The following RAPGEF4 variants were observed in gnomAD, a reference collection of about 807,000 sequenced individuals.
RAPGEF4 encodes Rap guanine nucleotide exchange factor 4.
Under a neutral mutation model 147.9 loss-of-function variants are expected in RAPGEF4, and 66 were observed. The ratio of observed to expected loss-of-function variants is 0.45; its 90% CI spans 0.37 to 0.55. The LOEUF is 0.55. Ranked by LOEUF, RAPGEF4 falls within the 20% of genes least tolerant of loss-of-function variation. The probability of loss-of-function intolerance (pLI) is 0.00; values close to 1 mark genes in which losing one functional copy is unlikely to be tolerated. For missense variants in RAPGEF4, 1,071 were observed against 1,257.3 expected, an observed-to-expected ratio of 0.85 and a Z score of 2.24; for synonymous variants, 419 against 442.7, an observed-to-expected ratio of 0.95 and a Z score of 0.67.
rs141854831 is a variant in RAPGEF4 at position 172,772,713 on chromosome 2, T to C, written c.66-22312T>C. Among the ~76,000 whole-genome samples, 10 of 152,366 alleles carry C rather than the reference T, an allele frequency of 6.6e-5. No homozygotes were observed. In the East Asian group the frequency reaches 1.9e-3, roughly 29 times the overall value. ...ATTCATTAAATCCTCAGTATGTTTG[T>C]TGAACGAGTATGTGAATAACCAAGC... On this transcript the variant is annotated intron_variant, in intron 1 of 30. Coordinates refer to ENST00000397081, the MANE Select transcript of RAPGEF4 (RefSeq NM_007023.4).
At chr2:173,019,629 T>C (rs924931955) in intron 22 of RAPGEF4, among the ~76,000 whole-genome samples, 1 of 152,254 alleles carries the variant, frequency 6.6e-6, no homozygotes, top group South Asian at 2.1e-4. Flanking sequence ...AGGTGAATGA[T>C]TCCACTGATG....
At chr2:172,903,146 A>C (rs1699247922) in intron 4 of RAPGEF4, among the ~76,000 whole-genome samples, 1 of 152,058 alleles carries the variant, frequency 6.6e-6, no homozygotes, top group Non-Finnish European at 1.5e-5. Context: ...AGATGGGTGG[A>C]TCACCTGAGG....
Position 173,001,358 on chromosome 2 carries a change from G to A in RAPGEF4, c.1658+14G>A. 1 of 1,613,536 alleles carries A rather than the reference G, an allele frequency of 6.2e-7. No individual in the cohort carries two copies. The highest frequency in any genetic ancestry group is 8.5e-7 in the Non-Finnish European group (1 of 1,179,850). On this transcript the variant is annotated intron_variant, in intron 17 of 30. Transcript: ENST00000397081. ...ACTGGTGGCCCAATATCCTTTTATT[G>A]TGATTGTAAGTCCCTATTCCCTCGA...
rs778890708 is a variant in RAPGEF4 at position 173,020,146 on chromosome 2, T to C, written c.2156-472T>C. 2.0e-5 allele frequency among the ~76,000 whole-genome samples: 3 copies of C among 152,318 alleles called. No individual in the cohort carries two copies. In the South Asian group the frequency reaches 6.2e-4, roughly 32 times the overall value. On this transcript the variant is annotated intron_variant, in intron 22 of 30. Transcript: ENST00000397081. ...AATTTTTTTAATGTGGGAGGAGGCTTAATCTAGTTAATGCTATTGCCCTGC... is the reference window on the plus strand; with the variant it reads ...AATTTTTTTAATGTGGGAGGAGGCTCAATCTAGTTAATGCTATTGCCCTGC...
At chr2:173,043,566 G>A (rs1685035668) in intron 29 of RAPGEF4, among the ~76,000 whole-genome samples, 1 of 152,228 alleles carries the variant, frequency 6.6e-6, no homozygotes, top group Non-Finnish European at 1.5e-5. Context: ...AGCAAAGGGG[G>A]AACTTGGACT....
intron 15 of RAPGEF4, 88 bp from the exon 16 acceptor site, chr2:172,996,378 A>T (rs75793756): frequency 1.9e-5 from 6 of 309,184 alleles, no homozygotes; most frequent in Non-Finnish European, 1.1e-5. Flanking sequence ...ATCTCAAATT[A>T]AAAAAAAAAA....
chr2:172,891,106 G>A (rs1697856852), intron 4 of RAPGEF4, among the ~76,000 whole-genome samples: 1 of 152,142 alleles, frequency 6.6e-6, no homozygotes, highest in South Asian at 2.1e-4. Flanking sequence ...ACTCCAGTCT[G>A]GGCAAGAGAG....
intron 1 of RAPGEF4, among the ~76,000 whole-genome samples, chr2:172,745,650 T>G (rs1053067103): frequency 6.6e-6 from 1 of 152,204 alleles, no homozygotes. Context: ...AGTTGGTTAA[T>G]TTTAACCTTT....
chr2:172,849,731 A>G (rs1011017856), intron 4 of RAPGEF4, among the ~76,000 whole-genome samples: 1 of 152,204 alleles, frequency 6.6e-6, no homozygotes, highest in African/African-American at 2.4e-5. Flanking sequence ...TAGACCACTA[A>G]GATCTCTTAG....
intron 6 of RAPGEF4, among the ~76,000 whole-genome samples, chr2:172,925,777 A>AGAGAGAGAGAG: frequency 7.5e-6 from 1 of 133,894 alleles, no homozygotes; most frequent in Admixed American, 8.3e-5. Context: ...GAAAGAAAGA[A>AGAGAGAGAGAG]AGAGAGAGAG....
chr2:172,772,799 G>T (rs1683759759), intron 1 of RAPGEF4, among the ~76,000 whole-genome samples: 1 of 152,242 alleles, frequency 6.6e-6, no homozygotes, highest in Non-Finnish European at 1.5e-5. Flanking sequence ...GCTGCTCACA[G>T]TCTGGGGGAA....
chr2:172,931,559 C>T (rs965440483), intron 6 of RAPGEF4, among the ~76,000 whole-genome samples: 1 of 152,164 alleles, frequency 6.6e-6, no homozygotes, highest in African/African-American at 2.4e-5. Context: ...ACCAAGTGCT[C>T]CTCTGGTGCT....
chr2:172,748,236 G>T (rs765365298), intron 1 of RAPGEF4, among the ~76,000 whole-genome samples: 5 of 152,144 alleles, frequency 3.3e-5, no homozygotes, highest in Non-Finnish European at 7.3e-5. Flanking sequence ...TCTTAATTTT[G>T]AGGATCCTCC....
At chr2:172,919,107 G>A (rs1684425639) in intron 5 of RAPGEF4, among the ~76,000 whole-genome samples, 3 of 152,060 alleles carry the variant, frequency 2.0e-5, no homozygotes, top group African/African-American at 7.2e-5. Context: ...TCCTGGCTGA[G>A]CCAGGGATGG....
intron 1 of RAPGEF4, among the ~76,000 whole-genome samples, chr2:172,773,611 T>TCCCCCCC (rs1481568949): frequency 6.7e-6 from 1 of 149,988 alleles, no homozygotes; most frequent in Non-Finnish European, 1.5e-5. Flanking sequence ...CAGACTTCCC[T>TCCCCCCC]CCCCACCCCA....
At chr2:172,877,393 G>A (rs1045661054) in intron 4 of RAPGEF4, among the ~76,000 whole-genome samples, 8 of 152,182 alleles carry the variant, frequency 5.3e-5, no homozygotes, top group African/African-American at 1.9e-4. Context: ...GGGAGGGATA[G>A]CATTAGGAGA....
At chr2:173,030,298 T>C in intron 26 of RAPGEF4, 44 bp downstream of exon 26, 1 of 1,451,690 alleles carries the variant, frequency 6.9e-7, no homozygotes, top group Non-Finnish European at 9.7e-7. Context: ...GCCTTAGGAA[T>C]AAAAACACAG....
chr2:173,016,252 G>A (rs1004686411), intron 18 of RAPGEF4, 97 bp from the exon 19 acceptor site: 1 of 780,762 alleles, frequency 1.3e-6, no homozygotes, highest in Admixed American at 2.0e-5. Flanking sequence ...AGATGCTGGT[G>A]AAGCAGATGA....
intron 14 of RAPGEF4, 72 bp from the exon 15 acceptor site, chr2:172,990,738 G>A: frequency 1.9e-6 from 2 of 1,063,772 alleles, no homozygotes; most frequent in Non-Finnish European, 2.8e-6. Context: ...ATGAGTTTCT[G>A]AAGCATTTGA....
Sources: allele counts gnomAD v4.1 joint callset (sites outside exome capture counted in the v4.1 genomes callset), GRCh38; gene constraint gnomAD v4.1.1; transcripts MANE v1.5; gene names NCBI Gene and HGNC (gene_info 2026-07-23, HGNC 2026-07-21).